Variants in RBFOX1 observed in about 807,000 individuals in gnomAD.
RBFOX1 encodes RNA binding fox-1 homolog 1.
In RBFOX1, 8 loss-of-function variants were observed where a neutral mutation model predicts 57.7. The observed-to-expected ratio is 0.14, with a 90% CI of 0.08 to 0.25. The LOEUF (loss-of-function observed/expected upper bound fraction) is 0.25. Ranked by LOEUF, RBFOX1 falls within the 10% of genes least tolerant of loss-of-function variation. The probability of loss-of-function intolerance (pLI) is 1.00; values close to 1 mark genes in which losing one functional copy is unlikely to be tolerated. For missense variants in RBFOX1, 611 were observed against 548.5 expected (o/e 1.11, Z -1.14); for synonymous variants, 326 against 222.4 (o/e 1.47, Z -4.15).
chr16:6,312,691 T>TCCTC (rs2080506667), intron 1 of RBFOX1, among the ~76,000 whole-genome samples: 1 of 149,006 alleles, frequency 6.7e-6, no homozygotes, highest in Non-Finnish European at 1.5e-5. Flanking sequence ...CTTCCTTCCT[T>TCCTC]CCTTCCTTCC....
chr16:6,666,692 G>T (rs117210635), intron 3 of RBFOX1, among the ~76,000 whole-genome samples: 6 of 152,074 alleles, frequency 3.9e-5, no homozygotes, highest in African/African-American at 9.7e-5. Context: ...AAGAAAATAC[G>T]TCCCTTCTGT....
At chr16:7,435,018 C>T (rs1309147846) in intron 4 of RBFOX1, among the ~76,000 whole-genome samples, 3 of 152,158 alleles carry the variant, frequency 2.0e-5, no homozygotes, top group East Asian at 1.9e-4. Flanking sequence ...GTCTTGTTCA[C>T]ATTTTGCATT....
At chr16:7,286,372 A>C (rs907220555) in intron 4 of RBFOX1, among the ~76,000 whole-genome samples, 1 of 151,976 alleles carries the variant, frequency 6.6e-6, no homozygotes, top group Non-Finnish European at 1.5e-5. Flanking sequence ...TTATTTCTTT[A>C]AATAAAAGCC....
intron 1 of RBFOX1, among the ~76,000 whole-genome samples, chr16:5,455,350 GA>G (rs2068597436): frequency 6.6e-6 from 1 of 152,040 alleles, no homozygotes; most frequent in Admixed American, 6.6e-5. Flanking sequence ...GGCTTTTTAT[GA>G]TATGGCTTCA....
rs185884743 is a variant in RBFOX1 at position 6,602,254 on chromosome 16, C to G, written c.-63-52349C>G. Among the ~76,000 whole-genome samples the G allele has an allele frequency of 1.3e-3, 197 of 152,238 alleles. 1 individual carries two copies. The highest frequency in any genetic ancestry group is 4.4e-3 in the African/African-American group (183 of 41,546). On this transcript the variant is annotated intron_variant, in intron 2 of 15. Transcript: ENST00000550418. ...AAGATAGATGATTGGCAAATATTCTCTCCCATTCAGTGGGTTGCCTTTTCA... is the reference window on the plus strand; with the variant it reads ...AAGATAGATGATTGGCAAATATTCTGTCCCATTCAGTGGGTTGCCTTTTCA...
intron 1 of RBFOX1, chr16:6,038,671 CATT>C (rs968661378): frequency 4.1e-5 from 6 of 147,158 alleles, no homozygotes; most frequent in Non-Finnish European, 7.4e-5. Flanking sequence ...TTTTGTGACC[CATT>C]ATTAAGCAAA....
intron 4 of RBFOX1, among the ~76,000 whole-genome samples, chr16:7,159,508 C>T (rs1322577438): frequency 5.9e-5 from 9 of 152,208 alleles, no homozygotes; most frequent in Non-Finnish European, 1.2e-4. Flanking sequence ...GGCTGGAAAT[C>T]ACGCTCCATG....
intron 3 of RBFOX1, among the ~76,000 whole-genome samples, chr16:5,783,293 C>T (rs1597234602): frequency 6.6e-6 from 1 of 152,272 alleles, no homozygotes; most frequent in East Asian, 1.9e-4. Context: ...ATATCTCTCT[C>T]CTCCCAGAAA....
chr16:6,581,335 T>TGCAGAGATGG (rs2097534651), intron 2 of RBFOX1, among the ~76,000 whole-genome samples: 1 of 152,198 alleles, frequency 6.6e-6, no homozygotes, highest in Admixed American at 6.5e-5. Context: ...CCCAGCACCC[T>TGCAGAGATGG]TGCCTTCCTC....
At chr16:7,709,154 C>T (rs369709933) in intron 15 of RBFOX1, 23 bp downstream of exon 15, 15 of 1,581,280 alleles carry the variant, frequency 9.5e-6, no homozygotes, top group East Asian at 4.5e-5. Flanking sequence ...TTCTCCTTGT[C>T]CTCACTTCCT....
intron 3 of RBFOX1, among the ~76,000 whole-genome samples, chr16:6,971,999 T>C (rs182288282): frequency 6.6e-6 from 1 of 152,264 alleles, no homozygotes; most frequent in East Asian, 1.9e-4. Flanking sequence ...CACGCAAGTT[T>C]TACTGTGAAG....
At chr16:7,134,263 A>T (rs747641692) in intron 4 of RBFOX1, among the ~76,000 whole-genome samples, 24 of 152,128 alleles carry the variant, frequency 1.6e-4, no homozygotes, top group Non-Finnish European at 2.8e-4. Flanking sequence ...ATTTGTTGTG[A>T]GGATGTTCTC....
intron 4 of RBFOX1, among the ~76,000 whole-genome samples, chr16:7,272,827 TCCTCCCTCCCCTC>T (rs1296353430): frequency 2.0e-5 from 3 of 151,514 alleles, no homozygotes; most frequent in African/African-American, 4.9e-5. Context: ...TAAAATCCTC[TCCTCCCTCCCCTC>T]CCTCCCTTCC....
intron 2 of RBFOX1, among the ~76,000 whole-genome samples, chr16:6,416,279 C>A (rs367874821): frequency 5.9e-5 from 9 of 152,148 alleles, no homozygotes; most frequent in Non-Finnish European, 5.9e-5. Context: ...CACTGACAGG[C>A]GCTTGATTTT....
chr16:5,922,191 C>G (rs1050754083), intron 4 of RBFOX1, among the ~76,000 whole-genome samples: 1 of 152,056 alleles, frequency 6.6e-6, no homozygotes, highest in Non-Finnish European at 1.5e-5. Context: ...AACCCTAGCT[C>G]TCTATGTGAA....
intron 3 of RBFOX1, among the ~76,000 whole-genome samples, chr16:5,841,372 C>T (rs1006105043): frequency 6.6e-6 from 1 of 152,246 alleles, no homozygotes; most frequent in South Asian, 2.1e-4. Flanking sequence ...CCCAAACTGC[C>T]GATCATCCAT....
chr16:6,800,393 A>G (rs1415429882), intron 3 of RBFOX1, among the ~76,000 whole-genome samples: 2 of 152,100 alleles, frequency 1.3e-5, no homozygotes, highest in Non-Finnish European at 2.9e-5. Context: ...CTACTCTAGG[A>G]TAGTGCTTCT....
At chr16:7,367,329 C>T (rs1026479011) in intron 4 of RBFOX1, among the ~76,000 whole-genome samples, 4 of 152,150 alleles carry the variant, frequency 2.6e-5, no homozygotes, top group Admixed American at 6.5e-5. Flanking sequence ...CTGAAGAAGT[C>T]CTGTCACAAG....
intron 2 of RBFOX1, among the ~76,000 whole-genome samples, chr16:6,588,708 G>A (rs1313172712): frequency 6.6e-6 from 1 of 152,156 alleles, no homozygotes. Flanking sequence ...CTTCTATGAT[G>A]TTGATTTACA....
Sources: gnomAD v4.1 joint callset for allele counts (sites outside exome capture counted in the v4.1 genomes callset) on GRCh38, gnomAD v4.1.1 for gene constraint, MANE v1.5 for transcripts, NCBI Gene and HGNC (gene_info 2026-07-23, HGNC 2026-07-21) for gene names.